PSMG4: variants seen among roughly 807,000 people sequenced by gnomAD.
The protein encoded by PSMG4 is proteasome (prosome, macropain) assembly chaperone 4.
In PSMG4, 10 loss-of-function variants were observed where a neutral mutation model predicts 11.0. That is an observed-to-expected ratio of 0.91 (90% CI 0.56 to 1.54). The LOEUF (loss-of-function observed/expected upper bound fraction) is 1.54. PSMG4 is among the 40% of genes most tolerant of loss of function. The probability of loss-of-function intolerance (pLI) is 0.00; values close to 1 mark genes in which losing one functional copy is unlikely to be tolerated. For missense variants in PSMG4, 198 were observed against 160.9 expected (o/e 1.23, Z -1.25); for synonymous variants, 95 against 71.3 (o/e 1.33, Z -1.68).
chr6:3,254,812 C>CCG (rs1205946450), upstream of PSMG4, among the ~76,000 whole-genome samples: 1 of 152,176 alleles, frequency 6.6e-6, no homozygotes, highest in African/African-American at 2.4e-5. Context: ...CAACAAGACA[C>CCG]CAATTCTGGA....
At chr6:3,254,893 T>C (rs1296126440), upstream of PSMG4, among the ~76,000 whole-genome samples, 3 of 150,428 alleles carry the variant, frequency 2.0e-5, no homozygotes, top group Non-Finnish European at 2.9e-5. Context: ...TCCGACCTTG[T>C]AAGTGAATGA....
At chr6:3,263,446 C>G (rs535236549) in intron 1 of PSMG4, among the ~76,000 whole-genome samples, 16 of 152,356 alleles carry the variant, frequency 1.1e-4, no homozygotes, top group African/African-American at 3.8e-4. Context: ...GGTCCTAGAA[C>G]TTAGTAGCAC....
chr6:3,259,351 G>A (rs1757883171), intron 1 of PSMG4, among the ~76,000 whole-genome samples, 155 bp downstream of exon 1: 1 of 152,124 alleles, frequency 6.6e-6, no homozygotes, highest in African/African-American at 2.4e-5. Context: ...GCCCGCGGGC[G>A]CCAGGGCCTG....
At chr6:3,254,997 C>T (rs535605963), upstream of PSMG4, 153 of 1,524,878 alleles carry the variant, frequency 1.0e-4, no homozygotes, top group Admixed American at 2.2e-4. Flanking sequence ...ATGGACCTAG[C>T]GCACTCCCAT....
upstream of PSMG4, chr6:3,255,043 C>G (rs41300843): frequency 7.1e-6 from 11 of 1,550,244 alleles, no homozygotes; most frequent in Admixed American, 2.0e-5. Context: ...TTCTGATTCT[C>G]TGGACAGGAA....
upstream of PSMG4, among the ~76,000 whole-genome samples, chr6:3,256,571 C>T (rs752118114): frequency 1.1e-4 from 16 of 152,234 alleles, no homozygotes; most frequent in Non-Finnish European, 2.2e-4. Context: ...GGTCACCTCT[C>T]CAGTTGTTGG....
At chr6:3,262,304 A>AT (rs1417961456) in intron 1 of PSMG4, among the ~76,000 whole-genome samples, 3 of 152,102 alleles carry the variant, frequency 2.0e-5, no homozygotes, top group Non-Finnish European at 4.4e-5. Context: ...GGGGCTTTAC[A>AT]TTTAACTTTT....
At chr6:3,255,594 C>T (rs1399707690), upstream of PSMG4, among the ~76,000 whole-genome samples, 8 of 152,322 alleles carry the variant, frequency 5.3e-5, no homozygotes, top group South Asian at 1.7e-3. Context: ...GACCCACTGC[C>T]TGAGTGAGGC....
intron 1 of PSMG4, 130 bp downstream of exon 1, chr6:3,259,326 G>A (rs915141403): frequency 1.2e-5 from 11 of 897,738 alleles, no homozygotes; most frequent in Non-Finnish European, 1.6e-5. Flanking sequence ...GCCCACCCGT[G>A]GGATGTCTTA....
At chr6:3,260,291 A>ATATATATATTTTTTTTTTTTTTTTTTTT in intron 1 of PSMG4, among the ~76,000 whole-genome samples, 1 of 70,842 alleles carries the variant, frequency 1.4e-5, no homozygotes, top group African/African-American at 5.5e-5. Context: ...ATATATATAT[A>ATATATATATTTTTTTTTTTTTTTTTTTT]TTTTTTTTTT....
At chr6:3,254,942 T>A (rs1757698532), upstream of PSMG4, 20 of 1,243,980 alleles carry the variant, frequency 1.6e-5, no homozygotes, top group African/African-American at 3.1e-5. Context: ...TCACTGGGTG[T>A]CAGCTGTTGG....
intron 2 of PSMG4, chr6:3,264,816 G>GTTTGTATCTT (rs1758122213): frequency 6.4e-6 from 1 of 156,132 alleles, no homozygotes; most frequent in Non-Finnish European, 1.4e-5. Context: ...CCCTCTTTGT[G>GTTTGTATCTT]TTTGTATCTT....
upstream of PSMG4, among the ~76,000 whole-genome samples, chr6:3,255,470 G>A (rs1757730280): frequency 1.3e-5 from 2 of 152,022 alleles, no homozygotes; most frequent in Admixed American, 6.6e-5. Context: ...TTATCTTCCC[G>A]TCTTTCTCCC....
chr6:3,267,850 T>A lies in PSMG4; in HGVS notation c.*138T>A. The A allele has an allele frequency of 2.2e-6, 2 of 895,052 alleles. No homozygotes were observed. The allele number at this position is 895,052 out of a possible 1,614,324, so 55.4% of individuals were successfully genotyped here. ...ATCTTTTGAGCTTCCTTCTCAGCAG[T>A]GTGTGGGCCAAAAGGCTCATACTGA... On this transcript the variant is annotated 3_prime_UTR_variant, in exon 3 of 3. Coordinates refer to ENST00000438998, the MANE Select transcript of PSMG4 (RefSeq NM_001128591.2).
chr6:3,255,528 G>A (rs1757732756), upstream of PSMG4, among the ~76,000 whole-genome samples: 1 of 152,166 alleles, frequency 6.6e-6, no homozygotes, highest in Non-Finnish European at 1.5e-5. Flanking sequence ...CTGCCCATGA[G>A]TCTGTATAGA....
chr6:3,254,412 A>G (rs181344977), upstream of PSMG4, among the ~76,000 whole-genome samples: 253 of 152,120 alleles, frequency 1.7e-3, no homozygotes, highest in Middle Eastern at 0.01. Context: ...TTGGTGGCAC[A>G]TCTGAGGAGG....
chr6:3,258,091 C>T (rs2127255038), upstream of PSMG4, among the ~76,000 whole-genome samples: 1 of 152,140 alleles, frequency 6.6e-6, no homozygotes, highest in African/African-American at 2.4e-5. Context: ...TTACCACCTT[C>T]TCTCTTAACC....
chr6:3,263,914 T>TAA, intron 2 of PSMG4, 155 bp downstream of exon 2: 1 of 1,433,876 alleles, frequency 7.0e-7, no homozygotes, highest in South Asian at 1.5e-5. Flanking sequence ...CGTTGGGTCT[T>TAA]ATTTAAGGGG....
In PSMG4 at chr6:3,259,034, G is replaced by A. The variant is rs976744920; in HGVS notation, c.12G>A (p.Leu4=). Residue 4 remains leucine (L), a synonymous_variant, in exon 1 of 3, where the codon CTG becomes CTA. Transcript: ENST00000438998. The stretch of plus-strand genomic sequence containing the variant: ...AGCCGTGGGGCGGCATGGAGGGGCT[G>A]GTTGTCGCCGCCGGCGGGGACGTCT... MEG[L]VVAAGGDVSL... 3.2e-6 allele frequency: 4 copies of A among 1,250,334 alleles called. No homozygotes were observed. Among genetic ancestry groups the A allele is most frequent in the Non-Finnish European group, 4.0e-6 (4 of 996,248 alleles). The allele number at this position is 1,250,334 out of a possible 1,614,324, so 77.5% of individuals were successfully genotyped here. A position where few individuals can be genotyped will look rare whatever the true frequency, so the allele number is the denominator to read the frequency against.
Sources: gnomAD v4.1 joint callset for allele counts (sites outside exome capture counted in the v4.1 genomes callset) on GRCh38, gnomAD v4.1.1 for gene constraint, MANE v1.5 for transcripts, NCBI Gene and HGNC (gene_info 2026-07-23, HGNC 2026-07-21) for gene names.